Variants in SPTLC1 observed in about 807,000 individuals in gnomAD.
SPTLC1 encodes serine palmitoyltransferase long chain base subunit 1.
Under a neutral mutation model 68.9 loss-of-function variants are expected in SPTLC1, and 55 were observed. The observed-to-expected ratio is 0.80, with a 90% confidence interval of 0.64 to 1.00. The LOEUF is 1.00. SPTLC1 is among the 50% of genes least tolerant of loss of function. SPTLC1 has a pLI of 0.00. For missense variants in SPTLC1, 449 were observed against 573.1 expected (o/e 0.78, Z 2.21); for synonymous variants, 197 against 201.6 (o/e 0.98, Z 0.19).
chr9:92,053,536 A>G (rs1222066077), intron 8 of SPTLC1, among the ~76,000 whole-genome samples: 3 of 152,264 alleles, frequency 2.0e-5, no homozygotes, highest in Non-Finnish European at 2.9e-5. Flanking sequence ...GGATGAACAT[A>G]TAAAACAAAA....
chr9:92,115,253 C>G, intron 1 of SPTLC1, 61 bp downstream of exon 1: 7 of 1,545,590 alleles, frequency 4.5e-6, no homozygotes, highest in Non-Finnish European at 6.2e-6. Flanking sequence ...AATCCACACG[C>G]GTCCTCCCAC....
At chr9:92,088,782 G>A (rs773822965) in intron 3 of SPTLC1, among the ~76,000 whole-genome samples, 27 of 152,162 alleles carry the variant, frequency 1.8e-4, no homozygotes, top group South Asian at 2.1e-4. Context: ...CAAAGTTTCC[G>A]GTGAGAAATG....
intron 3 of SPTLC1, among the ~76,000 whole-genome samples, chr9:92,089,848 A>T (rs1033770453): frequency 2.6e-5 from 4 of 152,228 alleles, no homozygotes; most frequent in African/African-American, 9.6e-5. Flanking sequence ...TGTGAAAGCC[A>T]CTAGAAAAAA....
intron 5 of SPTLC1, among the ~76,000 whole-genome samples, chr9:92,070,978 C>T (rs564417098): frequency 6.6e-6 from 1 of 152,124 alleles, no homozygotes; most frequent in African/African-American, 2.4e-5. Flanking sequence ...TTACGGCCTT[C>T]CTGGTTGTTT....
intron 3 of SPTLC1, among the ~76,000 whole-genome samples, chr9:92,103,391 T>C (rs1309163322): frequency 6.6e-6 from 1 of 152,288 alleles, no homozygotes; most frequent in South Asian, 2.1e-4. Flanking sequence ...ATTACAGATA[T>C]GCCACGGTGC....
chr9:92,080,219 G>A (rs1834830299), intron 4 of SPTLC1, 131 bp from the exon 5 acceptor site: 1 of 735,266 alleles, frequency 1.4e-6, no homozygotes, highest in South Asian at 1.6e-5. Context: ...AGAAGAGACA[G>A]GTGTAAAGAC....
intron 3 of SPTLC1, among the ~76,000 whole-genome samples, chr9:92,084,609 C>G (rs1330511922): frequency 2.0e-5 from 3 of 151,792 alleles, no homozygotes; most frequent in Non-Finnish European, 4.4e-5. Flanking sequence ...TCATGGTGGA[C>G]AAGCTTTTTG....
At chr9:92,035,760 AGAG>A (rs1278213443) in intron 13 of SPTLC1, among the ~76,000 whole-genome samples, 5 of 152,226 alleles carry the variant, frequency 3.3e-5, no homozygotes, top group Admixed American at 3.3e-4. Flanking sequence ...ATCTGCCTGA[AGAG>A]GGGTCACGTC....
chr9:92,059,190 C>A lies in SPTLC1; in HGVS notation c.679G>T (p.Glu227Ter), dbSNP rs183695413. 6.2e-7 allele frequency: 1 copy of A among 1,613,654 alleles called. No individual in the cohort carries two copies. ...CAAAAGAATCATACCTTTTGATCTT[C>A]GATCTCTTGTTCTTTTAGTAGTCGC... ...LERLLKEQEIEDQKNPRKARV... is the reference protein window; with the variant it reads ...LERLLKEQEI Residue 227 changes from glutamate to a stop codon, truncating the protein, a stop_gained, in exon 7 of 15, where the codon GAA (glutamate) becomes TAA (stop). Coordinates refer to ENST00000262554, the MANE Select transcript of SPTLC1 (RefSeq NM_006415.4). LOFTEE classifies it high-confidence loss of function.
intron 1 of SPTLC1, 96 bp downstream of exon 1, chr9:92,115,218 A>C: frequency 1.7e-6 from 2 of 1,204,822 alleles, no homozygotes; most frequent in Non-Finnish European, 2.4e-6. Context: ...TGACCGAGCC[A>C]GTCCCGCCGA....
chr9:92,106,067 G>A lies in SPTLC1; in HGVS notation c.260+2673C>T, dbSNP rs141274913. Among the ~76,000 whole-genome samples the A allele has an allele frequency of 0.01, 1,529 of 149,272 alleles. 56 individuals carry two copies. In the East Asian group the frequency reaches 0.13, roughly 13 times the overall value. ...CCCTCACCGTTTGTAAGGGAGGAGC[G>A]CCTCTGCCCAGCCCCTGCACCGTCT... On this transcript the variant is annotated intron_variant, in intron 3 of 14. Coordinates refer to ENST00000262554, the MANE Select transcript of SPTLC1 (RefSeq NM_006415.4).
chr9:92,094,405 T>C (rs1406149951), intron 3 of SPTLC1, among the ~76,000 whole-genome samples: 1 of 152,234 alleles, frequency 6.6e-6, no homozygotes, highest in African/African-American at 2.4e-5. Flanking sequence ...TAGACCCAGA[T>C]TTTTGTTACA....
chr9:92,045,821 T>G (rs1000630055), intron 12 of SPTLC1, among the ~76,000 whole-genome samples, 178 bp downstream of exon 12: 1 of 152,190 alleles, frequency 6.6e-6, no homozygotes, highest in African/African-American at 2.4e-5. Context: ...AAAGTCACGA[T>G]TCTTTAAAAC....
intron 3 of SPTLC1, among the ~76,000 whole-genome samples, chr9:92,085,736 G>A (rs1198773621): frequency 1.3e-5 from 2 of 152,138 alleles, no homozygotes; most frequent in Non-Finnish European, 2.9e-5. Flanking sequence ...GGGGTGGAGA[G>A]TTCTGTAGAT....
rs1835878432 is a variant in SPTLC1 at position 92,104,436 on chromosome 9, T to A, written c.260+4304A>T. On this transcript the variant is annotated intron_variant, in intron 3 of 14. Transcript: ENST00000262554. ...GGGATGGCGCCCCTGTGAGGCTGTG[T>A]CTTATCCCTCGGAACACGGGCACCC... 3 of 1,388,124 alleles carry A rather than the reference T, an allele frequency of 2.2e-6. No individual in the cohort carries two copies. The South Asian group carries it at 4.3e-5, about 20-fold the overall frequency. 86.0% of individuals were successfully genotyped at this position (1,388,124 alleles called of 1,614,324 possible). A position where few individuals can be genotyped will look rare whatever the true frequency, so the allele number is the denominator to read the frequency against.
At chr9:92,083,287 T>C (rs1170609281) in intron 3 of SPTLC1, among the ~76,000 whole-genome samples, 1 of 152,246 alleles carries the variant, frequency 6.6e-6, no homozygotes, top group African/African-American at 2.4e-5. Context: ...GCCATTACTT[T>C]TGGTGTTTTA....
At chr9:92,111,977 T>C (rs1015381894) in intron 2 of SPTLC1, 3 of 157,484 alleles carry the variant, frequency 1.9e-5, no homozygotes, top group South Asian at 1.8e-4. Flanking sequence ...TGACAATTTA[T>C]GAAAATTTAA....
At position 92,047,290 on chromosome 9, in the gene SPTLC1, CAT is replaced by C. The variant is rs780054063; in HGVS notation, c.985-24_985-23del. 21 of 1,589,418 alleles carry C rather than the reference CAT, an allele frequency of 1.3e-5. No individual in the cohort carries two copies. The African/African-American group carries it at 2.6e-4, about 19-fold the overall frequency. ...GTCGCTGAGAAGAAACAAATGAAGA[CAT>C]ATACACATTCTCTGTCCTTTCTAGG... On this transcript the variant is annotated intron_variant, in intron 10 of 14. Coordinates refer to ENST00000262554, the MANE Select transcript of SPTLC1 (RefSeq NM_006415.4).
chr9:92,067,189 C>T (rs1834319812), intron 6 of SPTLC1, among the ~76,000 whole-genome samples: 3 of 151,828 alleles, frequency 2.0e-5, no homozygotes, highest in Admixed American at 2.0e-4. Flanking sequence ...ATCCCAGCTA[C>T]TCAGGAGACT....
Sources: allele counts gnomAD v4.1 joint callset (sites outside exome capture counted in the v4.1 genomes callset), GRCh38; gene constraint gnomAD v4.1.1; transcripts MANE v1.5; gene names NCBI Gene and HGNC (gene_info 2026-07-23, HGNC 2026-07-21).